ARK2N: variants seen among roughly 807,000 people sequenced by gnomAD.
ARK2N encodes the protein arkadia (RNF111) N-terminal like PKA signaling regulator 2N, also known as protein ARK2N.
the ARK2N span, among the ~76,000 whole-genome samples, chr18:46,226,824 T>G: frequency 6.6e-6 from 1 of 150,764 alleles, no homozygotes; most frequent in Non-Finnish European, 1.5e-5. Flanking sequence ...TTTTTTTTTT[T>G]GAGATGGAGT....
chr18:46,191,095 A>G, the ARK2N span, among the ~76,000 whole-genome samples: 1 of 151,684 alleles, frequency 6.6e-6, no homozygotes, highest in Admixed American at 6.6e-5. Flanking sequence ...TTTGGGCTTT[A>G]TTTTCAGCCA....
the ARK2N span, among the ~76,000 whole-genome samples, chr18:46,253,103 G>C: frequency 6.6e-6 from 1 of 152,204 alleles, no homozygotes; most frequent in Non-Finnish European, 1.5e-5. Flanking sequence ...CTTTTTAGAT[G>C]TAGTTTTGGG....
chr18:46,205,189 T>G, the ARK2N span, among the ~76,000 whole-genome samples: 1 of 152,164 alleles, frequency 6.6e-6, no homozygotes, highest in African/African-American at 2.4e-5. Flanking sequence ...ATTGCAGGCG[T>G]GAGCCACTGT....
the ARK2N span, among the ~76,000 whole-genome samples, chr18:46,189,576 C>G: frequency 3.9e-5 from 6 of 152,162 alleles, no homozygotes; most frequent in African/African-American, 1.4e-4. Flanking sequence ...CAGGCACATG[C>G]TATGGTGCCC....
the ARK2N span, among the ~76,000 whole-genome samples, chr18:46,180,810 GGA>G: frequency 6.6e-6 from 1 of 152,080 alleles, no homozygotes; most frequent in Non-Finnish European, 1.5e-5. Flanking sequence ...TCTAAAATGT[GGA>G]GAAGAGAAAG....
chr18:46,218,627 G>A, the ARK2N span: 1 of 152,156 alleles, frequency 6.6e-6, no homozygotes, highest in Admixed American at 6.6e-5. Context: ...TGTCCATATT[G>A]TTGTCTCTTG....
the ARK2N span, among the ~76,000 whole-genome samples, chr18:46,181,393 T>G: frequency 2.6e-5 from 4 of 152,098 alleles, no homozygotes; most frequent in African/African-American, 4.8e-5. Context: ...CTGTTAAAAC[T>G]TAGAGCAGCC....
chr18:46,181,132 C>T, the ARK2N span, among the ~76,000 whole-genome samples: 5 of 151,586 alleles, frequency 3.3e-5, no homozygotes, highest in Admixed American at 6.6e-5. Context: ...TGGTGGTGCA[C>T]GCCTGTAATC....
At chr18:46,231,142 A>G in the ARK2N span, among the ~76,000 whole-genome samples, 1 of 152,244 alleles carries the variant, frequency 6.6e-6, no homozygotes, top group African/African-American at 2.4e-5. Flanking sequence ...TTTAGAGCCC[A>G]ACAAGGTCAA....
At chr18:46,231,533 A>G in the ARK2N span, among the ~76,000 whole-genome samples, 1 of 151,190 alleles carries the variant, frequency 6.6e-6, no homozygotes, top group Non-Finnish European at 1.5e-5. Context: ...CTTGAGAAAA[A>G]ATGTCTTTTT....
chr18:46,237,134 G>A, the ARK2N span, among the ~76,000 whole-genome samples: 908 of 151,934 alleles, frequency 6.0e-3, 10 homozygotes, highest in African/African-American at 0.021. Flanking sequence ...AAGTGCTGGG[G>A]TTATAGGTGT....
At chr18:46,177,861 C>T in the ARK2N span, among the ~76,000 whole-genome samples, 1 of 151,890 alleles carries the variant, frequency 6.6e-6, no homozygotes, top group Non-Finnish European at 1.5e-5. Context: ...TGTGACTGTG[C>T]CGCTGCACTC....
the ARK2N span, among the ~76,000 whole-genome samples, chr18:46,202,058 A>G: frequency 7.9e-5 from 12 of 152,104 alleles, no homozygotes; most frequent in South Asian, 6.2e-4. Context: ...GATTACAGGC[A>G]TGAGCCACCA....
the ARK2N span, among the ~76,000 whole-genome samples, chr18:46,244,601 A>ATTTTTTTTTTTTT: frequency 6.7e-4 from 63 of 93,864 alleles, 6 homozygotes; most frequent in East Asian, 4.9e-3. Flanking sequence ...AAGAGTTTAG[A>ATTTTTTTTTTTTT]TTTTTTTTTT....
At chr18:46,176,593 C>G in the ARK2N span, among the ~76,000 whole-genome samples, 1 of 151,694 alleles carries the variant, frequency 6.6e-6, no homozygotes. Context: ...TAGCTGAGAC[C>G]ACAGGCTCAC....
At chr18:46,237,301 C>G in the ARK2N span, among the ~76,000 whole-genome samples, 1 of 151,836 alleles carries the variant, frequency 6.6e-6, no homozygotes, top group East Asian at 1.9e-4. Context: ...TAGCAAGAAT[C>G]ACATTTTAAA....
At chr18:46,213,760 G>A in the ARK2N span, among the ~76,000 whole-genome samples, 1 of 152,106 alleles carries the variant, frequency 6.6e-6, no homozygotes, top group Non-Finnish European at 1.5e-5. Context: ...GCAGTGGCGT[G>A]ATCTTGGCTC....
the ARK2N span, among the ~76,000 whole-genome samples, chr18:46,260,233 T>A: frequency 6.6e-6 from 1 of 152,192 alleles, no homozygotes. Context: ...GATTCATGGT[T>A]CTAAGCATGC....
the ARK2N span, among the ~76,000 whole-genome samples, chr18:46,238,476 A>G: frequency 6.6e-6 from 1 of 152,160 alleles, no homozygotes; most frequent in East Asian, 1.9e-4. Flanking sequence ...CTGAAACACG[A>G]ATCATTTTCT....
Sources: allele counts gnomAD v4.1 joint callset (sites outside exome capture counted in the v4.1 genomes callset), GRCh38; gene constraint gnomAD v4.1.1; transcripts MANE v1.5; gene names NCBI Gene and HGNC (gene_info 2026-07-23, HGNC 2026-07-21).